Variants in MTUS1 observed in about 807,000 individuals in gnomAD.
The protein encoded by MTUS1 is microtubule-associated tumor suppressor 1.
Under a neutral mutation model 120.8 loss-of-function variants are expected in MTUS1, and 109 were observed. That is an observed-to-expected ratio of 0.90 (90% CI 0.77 to 1.06). MTUS1 has a LOEUF of 1.06. Among genes scored for constraint, MTUS1 ranks in the 50% least tolerant of loss-of-function variants. The pLI, the probability that MTUS1 is intolerant of heterozygous loss-of-function variation, is 0.00. For missense variants in MTUS1, 2,210 were observed against 1,486.3 expected, an observed-to-expected ratio of 1.49 and a Z score of -8.01; for synonymous variants, 737 against 550.5, an observed-to-expected ratio of 1.34 and a Z score of -4.74.
At chr8:17,667,655 C>T (rs10503600) in intron 8 of MTUS1, among the ~76,000 whole-genome samples, 80,247 of 152,056 alleles carry the variant, frequency 0.53, 22,181 homozygotes, top group Middle Eastern at 0.7. Flanking sequence ...TCAATGCAAA[C>T]GAGCGTTTAT....
chr8:17,678,170 C>T (rs188762591), intron 7 of MTUS1, among the ~76,000 whole-genome samples: 21 of 152,236 alleles, frequency 1.4e-4, no homozygotes, highest in African/African-American at 4.1e-4. Flanking sequence ...GGTAGCTTGG[C>T]CTTTACATGT....
At chr8:17,680,072 A>T (rs1814031060) in intron 7 of MTUS1, among the ~76,000 whole-genome samples, 2 of 152,284 alleles carry the variant, frequency 1.3e-5, no homozygotes, top group South Asian at 4.1e-4. Context: ...TTAAACCGGT[A>T]TCTCTAATAT....
rs1805422912 is a variant in MTUS1 at position 17,644,479 on chromosome 8, C to T, written c.*1447G>A. On this transcript the variant is annotated 3_prime_UTR_variant, in exon 15 of 15. Coordinates refer to ENST00000693296, the MANE Select transcript of MTUS1 (RefSeq NM_001363059.2). ...GCAACAGTTCTTCCTTCCACCTTTT[C>T]CAAAGTCTCAGGATTAGGGGAGGTA... 1 of 152,574 alleles carries T rather than the reference C, an allele frequency of 6.6e-6. No individual in the cohort carries two copies. The highest frequency in any genetic ancestry group is 1.5e-5 in the Non-Finnish European group (1 of 68,034). The allele number at this position is 152,574 out of a possible 1,614,324, so 9.5% of individuals were successfully genotyped here.
At chr8:17,719,159 G>A (rs902895303) in intron 4 of MTUS1, among the ~76,000 whole-genome samples, 2 of 151,614 alleles carry the variant, frequency 1.3e-5, no homozygotes, top group African/African-American at 4.8e-5. Context: ...AACAGAGTGA[G>A]ACTCTGTCTC....
chr8:17,794,962 C>T (rs932469508), intron 1 of MTUS1, among the ~76,000 whole-genome samples: 1 of 152,112 alleles, frequency 6.6e-6, no homozygotes, highest in African/African-American at 2.4e-5. Context: ...AACAATCATG[C>T]AAAAATCTAC....
chr8:17,654,660 T>G lies in MTUS1; in HGVS notation c.3115A>C (p.Asn1039His), dbSNP rs575683061. Reference protein sequence around the residue: ...YKMQLQEQFDNLNAAHETSKL... With the variant: ...YKMQLQEQFDHLNAAHETSKL... ...GAGGTTTCATGCGCAGCATTTAAGT[T>G]GTCAAACTGTAAGCAACAAACAAAA... is the stretch of plus-strand genomic sequence containing the variant. The change falls in exon 10 of 15, where the codon AAC (asparagine) becomes CAC (histidine). Residue 1039 changes from asparagine to histidine, a missense_variant. Physicochemically the swap from Asn to His is moderately conservative, Grantham distance 68. Coordinates refer to ENST00000693296, the MANE Select transcript of MTUS1 (RefSeq NM_001363059.2). 32 of 1,612,584 alleles carry G rather than the reference T, an allele frequency of 2.0e-5. No homozygotes were observed. In the South Asian group the frequency reaches 2.5e-4, roughly 13 times the overall value.
rs192059899 is a variant in MTUS1, at chr8:17,653,384, T to A, written c.3288+41A>T. On this transcript the variant is annotated intron_variant, in intron 11 of 14. Transcript: ENST00000693296. ...AACCAAACAAAATCAAAAATGATAT[T>A]TTTTTTTGTGGGGGATACTGGGATA... The A allele has an allele frequency of 5.1e-5, 78 of 1,544,116 alleles. No homozygotes were observed. In the African/African-American group the frequency reaches 5.9e-4, roughly 12 times the overall value.
intron 7 of MTUS1, among the ~76,000 whole-genome samples, chr8:17,679,597 G>T (rs2130711622): frequency 6.6e-6 from 1 of 152,108 alleles, no homozygotes; most frequent in East Asian, 1.9e-4. Context: ...CACCTATTGG[G>T]TTCAAGCGAT....
At chr8:17,740,350 A>T (rs762018739) in intron 3 of MTUS1, among the ~76,000 whole-genome samples, 35 of 152,344 alleles carry the variant, frequency 2.3e-4, no homozygotes, top group Non-Finnish European at 3.4e-4. Context: ...TTCTGAAAGG[A>T]TTTATTGAAA....
At chr8:17,652,328 AC>A (rs1807182766) in intron 12 of MTUS1, among the ~76,000 whole-genome samples, 2 of 152,248 alleles carry the variant, frequency 1.3e-5, no homozygotes, top group Non-Finnish European at 2.9e-5. Context: ...TGAAATACTA[AC>A]ATAGGCTACA....
intron 8 of MTUS1, among the ~76,000 whole-genome samples, chr8:17,661,926 C>T (rs1809809178): frequency 1.3e-5 from 2 of 152,136 alleles, no homozygotes; most frequent in Non-Finnish European, 2.9e-5. Context: ...AAGGAAGTGG[C>T]CTGGGCTGCG....
At chr8:17,747,745 C>T (rs55759415) in intron 2 of MTUS1, among the ~76,000 whole-genome samples, 14,179 of 152,134 alleles carry the variant, frequency 0.093, 736 homozygotes, top group East Asian at 0.15. Context: ...ATGTATTAGT[C>T]CATTTTTACG....
At chr8:17,672,957 C>T (rs747161312) in intron 8 of MTUS1, among the ~76,000 whole-genome samples, 1 of 152,210 alleles carries the variant, frequency 6.6e-6, no homozygotes, top group Non-Finnish European at 1.5e-5. Flanking sequence ...TTCATTGAAG[C>T]AGAGCGAATG....
chr8:17,789,353 G>A (rs2051575346), intron 1 of MTUS1, among the ~76,000 whole-genome samples: 1 of 152,106 alleles, frequency 6.6e-6, no homozygotes, highest in African/African-American at 2.4e-5. Context: ...TAAATTATAT[G>A]CAGTTAGTTT....
intron 4 of MTUS1, among the ~76,000 whole-genome samples, chr8:17,716,211 T>C (rs1822299709): frequency 1.3e-5 from 2 of 152,284 alleles, no homozygotes; most frequent in African/African-American, 2.4e-5. Flanking sequence ...CTTCATGCTA[T>C]GTAACAAGAA....
intron 1 of MTUS1, among the ~76,000 whole-genome samples, chr8:17,786,749 G>C (rs951659957): frequency 6.6e-6 from 1 of 152,096 alleles, no homozygotes; most frequent in Non-Finnish European, 1.5e-5. Flanking sequence ...CCACCCGAGC[G>C]GTATGAAGGA....
At chr8:17,787,241 G>A (rs74633549) in intron 1 of MTUS1, among the ~76,000 whole-genome samples, 1,985 of 152,254 alleles carry the variant, frequency 0.013, 37 homozygotes, top group African/African-American at 0.046. Context: ...TAAAGATAAC[G>A]ACATCAGTGC....
At chr8:17,764,766 G>C (rs1232478278) in intron 1 of MTUS1, among the ~76,000 whole-genome samples, 1 of 152,230 alleles carries the variant, frequency 6.6e-6, no homozygotes, top group African/African-American at 2.4e-5. Context: ...CAGTGGGCCA[G>C]ACTTGGCCGT....
chr8:17,736,534 A>C (rs2979782), intron 3 of MTUS1, among the ~76,000 whole-genome samples: 46,895 of 151,952 alleles, frequency 0.31, 7,821 homozygotes, highest in African/African-American at 0.44. Flanking sequence ...TTCTTGACCA[A>C]CCGTTTAAAA....
Sources: gnomAD v4.1 joint callset for allele counts (sites outside exome capture counted in the v4.1 genomes callset) on GRCh38, gnomAD v4.1.1 for gene constraint, MANE v1.5 for transcripts, NCBI Gene and HGNC (gene_info 2026-07-23, HGNC 2026-07-21) for gene names.